Variants in MYOF observed in about 807,000 individuals in gnomAD.
The protein encoded by MYOF is myoferlin, also known as fer-1-like 3, myoferlin.
MYOF carries 244 observed loss-of-function variants against 284.2 expected under a neutral mutation model. The ratio of observed to expected loss-of-function variants is 0.86; its 90% CI spans 0.77 to 0.95. The LOEUF (loss-of-function observed/expected upper bound fraction) is 0.95, where lower values mean the gene tolerates loss of function less well. Ranked by LOEUF, MYOF falls within the 40% of genes least tolerant of loss-of-function variation. The pLI, the probability that MYOF is intolerant of heterozygous loss-of-function variation, is 0.00. For synonymous variants in MYOF, 904 were observed against 919.7 expected (o/e 0.98, Z 0.31); for missense variants, 2,496 against 2,560.6 (o/e 0.97, Z 0.54).
At chr10:93,321,315 A>G (rs1842830392) in intron 48 of MYOF, among the ~76,000 whole-genome samples, 1 of 150,814 alleles carries the variant, frequency 6.6e-6, no homozygotes, top group Non-Finnish European at 1.5e-5. Flanking sequence ...TACTATTAGT[A>G]GTGGTATTAA....
chr10:93,458,751 A>G (rs2056805565), intron 1 of MYOF, among the ~76,000 whole-genome samples: 1 of 152,172 alleles, frequency 6.6e-6, no homozygotes, highest in African/African-American at 2.4e-5. Flanking sequence ...CAAATAAGTC[A>G]CCCAGTTAAT....
At chr10:93,356,988 A>C (rs1198367771) in intron 29 of MYOF, 140 bp from the exon 30 acceptor site, 1 of 909,446 alleles carries the variant, frequency 1.1e-6, no homozygotes, top group Non-Finnish European at 1.6e-6. Context: ...TAGAGTCAGG[A>C]ATACAGAAAA....
At chr10:93,417,219 A>G (rs536009779) in intron 5 of MYOF, among the ~76,000 whole-genome samples, 50 of 151,806 alleles carry the variant, frequency 3.3e-4, no homozygotes, top group Non-Finnish European at 6.9e-4. Flanking sequence ...TGCATCCAAC[A>G]CTGACCTGTC....
intron 3 of MYOF, among the ~76,000 whole-genome samples, chr10:93,442,589 C>A (rs1431962498): frequency 6.6e-6 from 1 of 152,122 alleles, no homozygotes; most frequent in Non-Finnish European, 1.5e-5. Context: ...AAAACAGATG[C>A]CTTGCTTGAG....
chr10:93,463,548 C>T (rs58253180), intron 1 of MYOF, among the ~76,000 whole-genome samples: 26,326 of 151,100 alleles, frequency 0.17, 2,604 homozygotes, highest in East Asian at 0.5. Context: ...TACAGGTGCC[C>T]ACCACCATGC....
intron 1 of MYOF, among the ~76,000 whole-genome samples, chr10:93,464,435 C>T (rs944444402): frequency 6.6e-6 from 1 of 152,164 alleles, no homozygotes; most frequent in Non-Finnish European, 1.5e-5. Flanking sequence ...CAGGTGCCCA[C>T]GGAAGTAACA....
intron 40 of MYOF, among the ~76,000 whole-genome samples, chr10:93,336,761 G>A (rs1447405650): frequency 6.6e-6 from 1 of 151,214 alleles, no homozygotes. Flanking sequence ...GGATGAAGGA[G>A]GAGAAGGAAG....
rs1163873565 is a variant in MYOF at position 93,482,254 on chromosome 10, C to G, written c.-60G>C. 2 of 1,408,390 alleles carry G rather than the reference C, an allele frequency of 1.4e-6. No individual in the cohort carries two copies. The highest frequency in any genetic ancestry group is 1.8e-5 in the Admixed American group (1 of 55,930). The allele number at this position is 1,408,390 out of a possible 1,614,324, so 87.2% of individuals were successfully genotyped here. On this transcript the variant is annotated 5_prime_UTR_variant, in exon 1 of 54. Transcript: ENST00000359263. The stretch of plus-strand genomic sequence containing the variant: ...CGAAGTGGAGACTAGGGCGCTGGAG[C>G]TCCGGGTCGCACCGCCCTGGGAGAG...
rs1269438641 is a variant in MYOF, at chr10:93,333,738, C to T, written c.4719+20G>A. 2 of 1,611,780 alleles carry T rather than the reference C, an allele frequency of 1.2e-6. No homozygotes were observed. The highest frequency in any genetic ancestry group is 1.7e-5 in the Admixed American group (1 of 59,934). ...GTAATTATCTTGCTACAGGAGAAGG[C>T]CCCACACCCAAACTCTTACCAGGCC... On this transcript the variant is annotated intron_variant, in intron 42 of 53. Coordinates refer to ENST00000359263, the MANE Select transcript of MYOF (RefSeq NM_013451.4).
rs1196356257 is a variant in MYOF at position 93,369,793 on chromosome 10, A to G, written c.2458-17T>C. On this transcript the variant is annotated splice_polypyrimidine_tract_variant and intron_variant, in intron 24 of 53. Coordinates refer to ENST00000359263, the MANE Select transcript of MYOF (RefSeq NM_013451.4). ...CTGTGGATACTGTGAGATGAACAAT[A>G]GCATGTGATGTTACATTAGGCACAG... is the stretch of plus-strand genomic sequence containing the variant. The G allele has an allele frequency of 1.2e-6, 2 of 1,614,108 alleles. No homozygotes were observed. Among genetic ancestry groups the G allele is most frequent in the South Asian group, 1.1e-5 (1 of 91,042 alleles).
chr10:93,470,400 TTTTTTTG>T (rs1183906286), intron 1 of MYOF, among the ~76,000 whole-genome samples: 4 of 151,912 alleles, frequency 2.6e-5, no homozygotes, highest in East Asian at 1.9e-4. Flanking sequence ...GAAGTTTTTG[TTTTTTTG>T]TTTTTTGTTT....
chr10:93,390,666 T>G (rs1301951444), intron 17 of MYOF, among the ~76,000 whole-genome samples: 1 of 152,232 alleles, frequency 6.6e-6, no homozygotes, highest in Non-Finnish European at 1.5e-5. Flanking sequence ...AATTGATCAC[T>G]AATAAGTAGG....
chr10:93,420,515 G>A (rs1848316418), intron 5 of MYOF, among the ~76,000 whole-genome samples: 1 of 152,178 alleles, frequency 6.6e-6, no homozygotes, highest in Non-Finnish European at 1.5e-5. Context: ...AAAGCTCTAA[G>A]AAAGAATTCC....
At chr10:93,386,446 A>G (rs1293420260) in intron 19 of MYOF, among the ~76,000 whole-genome samples, 1 of 152,224 alleles carries the variant, frequency 6.6e-6, no homozygotes, top group East Asian at 1.9e-4. Context: ...TCTTTGCTGT[A>G]GTAATTCATG....
chr10:93,438,292 G>A (rs1360398173), intron 3 of MYOF, among the ~76,000 whole-genome samples: 1 of 152,064 alleles, frequency 6.6e-6, no homozygotes, highest in Admixed American at 6.6e-5. Flanking sequence ...CCGTTGCAGG[G>A]GTCACTTGAG....
At chr10:93,365,715 A>G (rs1327823692) in intron 26 of MYOF, among the ~76,000 whole-genome samples, 4 of 152,138 alleles carry the variant, frequency 2.6e-5, no homozygotes, top group Non-Finnish European at 5.9e-5. Flanking sequence ...GCATCTTGTG[A>G]GCTCAGGCAC....
chr10:93,431,166 T>A (rs766569621), intron 4 of MYOF, among the ~76,000 whole-genome samples: 2 of 151,938 alleles, frequency 1.3e-5, no homozygotes, highest in Non-Finnish European at 2.9e-5. Flanking sequence ...GTAGCTGGGA[T>A]TACAGACACC....
chr10:93,390,357 T>A (rs1201347621), intron 17 of MYOF, among the ~76,000 whole-genome samples: 1 of 152,064 alleles, frequency 6.6e-6, no homozygotes. Context: ...GCAATCTCAG[T>A]GAAGACAGCA....
At position 93,351,445 on chromosome 10, in the gene MYOF, G is replaced by C. The variant is rs746472971; in HGVS notation, c.3790C>G (p.Leu1264Val). The C allele has an allele frequency of 6.2e-7, 1 of 1,614,204 alleles. No homozygotes were observed. Among genetic ancestry groups the C allele is most frequent in the South Asian group, 1.1e-5 (1 of 91,082 alleles). ...CTCAGAATCAGCTCTGCAGTTACAA[G>C]AACATCCCCGCAGGCTTTGTCTCCA... ...MNGDKACGDVLVTAELILRGK... is the reference protein window; with the variant it reads ...MNGDKACGDVVVTAELILRGK... The change falls in exon 34 of 54, where the codon CTT (leucine) becomes GTT (valine). Residue 1264 changes from leucine (L) to valine (V), a missense_variant. By Grantham distance (32) the Leu-to-Val change is conservative (BLOSUM62 1). Around this residue, in one of 3 missense-constraint regions of MYOF, gnomAD observed 2,436 missense variants for 2,480.7 expected, o/e 0.98. Transcript: ENST00000359263.
Sources: allele counts gnomAD v4.1 joint callset (sites outside exome capture counted in the v4.1 genomes callset), GRCh38; gene constraint gnomAD v4.1.1; regional missense constraint gnomAD v4.1.1; transcripts MANE v1.5; gene names NCBI Gene and HGNC (gene_info 2026-07-23, HGNC 2026-07-21).